Variants in STPG2 observed in about 807,000 individuals in gnomAD.
The protein encoded by STPG2 is sperm tail PG-rich repeat containing 2.
STPG2 carries 56 observed loss-of-function variants against 54.2 expected under a neutral mutation model. That is an observed-to-expected ratio of 1.03 (90% CI 0.83 to 1.29). The LOEUF (loss-of-function observed/expected upper bound fraction) is 1.29, where lower values mean the gene tolerates loss of function less well. Among genes scored for constraint, STPG2 ranks in the 50% most tolerant of loss-of-function variants. The probability of loss-of-function intolerance (pLI) is 0.00; values close to 1 mark genes in which losing one functional copy is unlikely to be tolerated. For synonymous variants in STPG2, 200 were observed against 181.8 expected (o/e 1.10, Z -0.81); for missense variants, 596 against 544.9 (o/e 1.09, Z -0.93).
At chr4:98,037,729 C>G (rs1345544128) in intron 5 of STPG2, among the ~76,000 whole-genome samples, 1 of 151,964 alleles carries the variant, frequency 6.6e-6, no homozygotes, top group African/African-American at 2.4e-5. Flanking sequence ...ATAGAAAAAC[C>G]ATAAGCAAGT....
At chr4:97,839,446 C>T (rs1728730299) in intron 9 of STPG2, among the ~76,000 whole-genome samples, 2 of 151,552 alleles carry the variant, frequency 1.3e-5, no homozygotes, top group South Asian at 4.2e-4. Flanking sequence ...CAAAAAATAT[C>T]AGGAAATATG....
At chr4:97,756,631 G>A (rs1240568796) in intron 9 of STPG2, among the ~76,000 whole-genome samples, 1 of 152,000 alleles carries the variant, frequency 6.6e-6, no homozygotes, top group Non-Finnish European at 1.5e-5. Flanking sequence ...CGGCCTCCCT[G>A]TAGTTTCAAC....
chr4:97,816,873 ACT>A (rs1365221902), intron 9 of STPG2, among the ~76,000 whole-genome samples: 3 of 128,782 alleles, frequency 2.3e-5, no homozygotes, highest in Admixed American at 1.6e-4. Context: ...TTTCTCTTTC[ACT>A]CTTTCTTTTT....
At chr4:97,691,196 G>C (rs1723351255) in intron 10 of STPG2, among the ~76,000 whole-genome samples, 1 of 152,082 alleles carries the variant, frequency 6.6e-6, no homozygotes, top group African/African-American at 2.4e-5. Flanking sequence ...GCCACTGCAG[G>C]CTCCATGGGA....
At chr4:98,057,640 T>G (rs993965453) in intron 5 of STPG2, among the ~76,000 whole-genome samples, 4 of 152,102 alleles carry the variant, frequency 2.6e-5, no homozygotes, top group African/African-American at 9.7e-5. Context: ...ACATAGGACA[T>G]CATCCATGAA....
chr4:97,981,071 A>AAC (rs1734658485), intron 6 of STPG2, 88 bp downstream of exon 6: 1 of 1,400,558 alleles, frequency 7.1e-7, no homozygotes, highest in African/African-American at 1.4e-5. Context: ...CAAAAAAGAA[A>AAC]ACATACTCTC....
At chr4:98,108,441 G>C (rs1346011311) in intron 4 of STPG2, among the ~76,000 whole-genome samples, 2 of 152,098 alleles carry the variant, frequency 1.3e-5, no homozygotes, top group Non-Finnish European at 2.9e-5. Flanking sequence ...TGTGGCAGTA[G>C]GAGAAAATAG....
Position 97,786,901 on chromosome 4 carries a change from T to C in STPG2, c.1204+53872A>G, listed in dbSNP as rs553440988. ...GTTGTTAATCTCTTACTGTGGAAAT[T>C]TATAAATTAAACTATATATAGGTAT... On this transcript the variant is annotated intron_variant, in intron 9 of 10. Coordinates refer to ENST00000295268, the MANE Select transcript of STPG2 (RefSeq NM_174952.3). Among the ~76,000 whole-genome samples the C allele has an allele frequency of 2.0e-5, 3 of 152,220 alleles. No homozygotes were observed. In the South Asian group the frequency reaches 6.2e-4, roughly 32 times the overall value.
chr4:97,481,719 C>G (rs1457926902), intron 4 of STPG2, among the ~76,000 whole-genome samples: 1 of 151,568 alleles, frequency 6.6e-6, no homozygotes, highest in Non-Finnish European at 1.5e-5. Flanking sequence ...GAAAAATTCA[C>G]TTATTAATTC....
At chr4:97,636,909 A>G (rs1344200977) in intron 10 of STPG2, among the ~76,000 whole-genome samples, 4 of 151,796 alleles carry the variant, frequency 2.6e-5, no homozygotes, top group African/African-American at 9.7e-5. Flanking sequence ...ATTCTACCAG[A>G]GGTATAAGGA....
intron 7 of STPG2, 82 bp downstream of exon 7, chr4:97,972,198 T>G: frequency 3.2e-6 from 3 of 944,198 alleles, no homozygotes; most frequent in Non-Finnish European, 4.5e-6. Flanking sequence ...CCTTTTCTAT[T>G]AATTATAACA....
intron 3 of STPG2, among the ~76,000 whole-genome samples, chr4:98,128,156 G>C (rs1739881407): frequency 6.6e-6 from 1 of 152,138 alleles, no homozygotes; most frequent in Non-Finnish European, 1.5e-5. Context: ...GGCCCTAGAG[G>C]ATGACAGAAG....
intron 4 of STPG2, among the ~76,000 whole-genome samples, chr4:97,461,894 A>C (rs1729673291): frequency 1.3e-5 from 2 of 152,022 alleles, no homozygotes. Flanking sequence ...TCTCTGTGTC[A>C]TGCCCTTCCA....
At chr4:97,446,158 T>C (rs776090686) in intron 4 of STPG2, among the ~76,000 whole-genome samples, 20 of 152,170 alleles carry the variant, frequency 1.3e-4, no homozygotes, top group Admixed American at 3.3e-4. Context: ...AGCATAACAT[T>C]ACAGAAATTT....
chr4:97,925,403 T>G (rs1732296484), intron 8 of STPG2, among the ~76,000 whole-genome samples: 2 of 152,184 alleles, frequency 1.3e-5, no homozygotes, highest in Non-Finnish European at 2.9e-5. Flanking sequence ...TTATAAAAAG[T>G]TTAAAATGTA....
chr4:97,946,425 T>G (rs1733225526), intron 7 of STPG2, among the ~76,000 whole-genome samples: 1 of 152,142 alleles, frequency 6.6e-6, no homozygotes. Flanking sequence ...TATTTTTGTT[T>G]TAGTTCCATT....
At chr4:97,812,446 T>A (rs2149097977) in intron 9 of STPG2, among the ~76,000 whole-genome samples, 1 of 152,242 alleles carries the variant, frequency 6.6e-6, no homozygotes, top group South Asian at 2.1e-4. Context: ...CTTCTAAAAT[T>A]GGATATCATA....
chr4:97,907,234 G>T (rs1216431480), intron 8 of STPG2, among the ~76,000 whole-genome samples: 2 of 150,718 alleles, frequency 1.3e-5, no homozygotes, highest in Non-Finnish European at 3.0e-5. Context: ...CAGACAAACA[G>T]AGAGCCAAAT....
intron 1 of STPG2, 117 bp from the exon 2 acceptor site, chr4:98,134,576 G>C: frequency 2.6e-6 from 1 of 390,870 alleles, no homozygotes. Context: ...TTTATTTTCA[G>C]AACTGTCTAG....
Sources: gnomAD v4.1 joint callset for allele counts (sites outside exome capture counted in the v4.1 genomes callset) on GRCh38, gnomAD v4.1.1 for gene constraint, MANE v1.5 for transcripts, NCBI Gene and HGNC (gene_info 2026-07-23, HGNC 2026-07-21) for gene names.